The following KCNQ5 variants were observed in gnomAD, a reference collection of about 807,000 sequenced individuals.
KCNQ5 encodes the protein potassium voltage-gated channel subfamily KQT member 5.
In KCNQ5, 30 loss-of-function variants were observed where a neutral mutation model predicts 98.2. That is an observed-to-expected ratio of 0.31 (90% CI 0.23 to 0.41). The LOEUF (loss-of-function observed/expected upper bound fraction) is 0.41, where lower values mean the gene tolerates loss of function less well. KCNQ5 is among the 10% of genes least tolerant of loss of function. The pLI is 1.00. For synonymous variants in KCNQ5, 458 were observed against 449.4 expected, an observed-to-expected ratio of 1.02 and a Z score of -0.24; for missense variants, 835 against 1,182.5, an observed-to-expected ratio of 0.71 and a Z score of 4.31.
chr6:73,127,683 A>G (rs564681723), intron 9 of KCNQ5, among the ~76,000 whole-genome samples: 1 of 152,362 alleles, frequency 6.6e-6, no homozygotes, highest in Non-Finnish European at 1.5e-5. Flanking sequence ...CACTGAGGCT[A>G]GGGTATGTTT....
At chr6:72,804,942 C>G (rs1774874115) in intron 1 of KCNQ5, among the ~76,000 whole-genome samples, 1 of 151,994 alleles carries the variant, frequency 6.6e-6, no homozygotes, top group Non-Finnish European at 1.5e-5. Flanking sequence ...TTTCATATAC[C>G]TGTTTGCAAT....
chr6:73,122,493 C>G (rs1210599254), intron 8 of KCNQ5, among the ~76,000 whole-genome samples: 1 of 152,160 alleles, frequency 6.6e-6, no homozygotes, highest in Non-Finnish European at 1.5e-5. Context: ...ACCTGTGTTC[C>G]TCATGTCCTA....
At position 73,142,357 on chromosome 6, in the gene KCNQ5, A is replaced by G. The variant is rs181369747; in HGVS notation, c.1468+8716A>G. On this transcript the variant is annotated intron_variant, in intron 10 of 13. Transcript: ENST00000370398. ...GTCTTTTAAATTGCAGATTTCAACC[A>G]GTCCCTATTGTCTTTCCAGGAACCC... 3.8e-3 allele frequency among the ~76,000 whole-genome samples: 573 copies of G among 152,288 alleles called. 5 individuals carry two copies. Among genetic ancestry groups the G allele is most frequent in the African/African-American group, 0.013 (547 of 41,550 alleles).
intron 1 of KCNQ5, among the ~76,000 whole-genome samples, chr6:72,643,066 C>T (rs1310959597): frequency 3.3e-5 from 5 of 152,030 alleles, no homozygotes; most frequent in East Asian, 1.9e-4. Flanking sequence ...GATGAAAACA[C>T]GTGGATGCAA....
rs142876766 is a variant in KCNQ5 at position 72,659,136 on chromosome 6, C to G, written c.398+36549C>G. Among the ~76,000 whole-genome samples, 24 of 152,288 alleles carry G rather than the reference C, an allele frequency of 1.6e-4. 1 individual carries two copies. In the East Asian group the frequency reaches 4.6e-3, roughly 29 times the overall value. ...TTCCATCTCTCATTTGAGCCTTATT[C>G]TGCACAATATAATTTAATCAATAGT... On this transcript the variant is annotated intron_variant, in intron 1 of 13. Transcript: ENST00000370398.
At chr6:72,844,034 A>G (rs1380775053) in intron 1 of KCNQ5, among the ~76,000 whole-genome samples, 1 of 152,200 alleles carries the variant, frequency 6.6e-6, no homozygotes, top group Non-Finnish European at 1.5e-5. Context: ...GAAGGATAGC[A>G]TTAGGAGGAA....
At chr6:72,858,331 C>T (rs969878347) in intron 1 of KCNQ5, among the ~76,000 whole-genome samples, 4 of 152,006 alleles carry the variant, frequency 2.6e-5, no homozygotes, top group South Asian at 2.1e-4. Flanking sequence ...TTCAAAAGTT[C>T]GTTTGCATTT....
chr6:72,625,542 A>G (rs1464480034), intron 1 of KCNQ5, among the ~76,000 whole-genome samples: 1 of 152,250 alleles, frequency 6.6e-6, no homozygotes, highest in Non-Finnish European at 1.5e-5. Context: ...AGGGGGACAC[A>G]GGATGAGGCT....
At chr6:73,146,988 T>C (rs6930212) in intron 10 of KCNQ5, among the ~76,000 whole-genome samples, 33,511 of 152,184 alleles carry the variant, frequency 0.22, 8,841 homozygotes, top group African/African-American at 0.63. Flanking sequence ...AATAGTGCTA[T>C]GACTATAGTA....
At chr6:73,185,838 G>T (rs955823626) in intron 11 of KCNQ5, among the ~76,000 whole-genome samples, 3 of 152,188 alleles carry the variant, frequency 2.0e-5, no homozygotes, top group Admixed American at 2.0e-4. Context: ...CAAATGAGGG[G>T]ACAGCTTTGA....
intron 1 of KCNQ5, among the ~76,000 whole-genome samples, chr6:72,926,714 T>C (rs1765436824): frequency 6.6e-6 from 1 of 152,176 alleles, no homozygotes; most frequent in Non-Finnish European, 1.5e-5. Flanking sequence ...TTCTCAAAAA[T>C]TTATCATTTT....
intron 11 of KCNQ5, among the ~76,000 whole-genome samples, chr6:73,171,821 A>G (rs954047293): frequency 2.0e-5 from 3 of 152,196 alleles, no homozygotes; most frequent in Non-Finnish European, 4.4e-5. Flanking sequence ...CTGACTTGCA[A>G]CAAGTATGGA....
At chr6:73,187,099 G>A (rs1002852017) in intron 11 of KCNQ5, among the ~76,000 whole-genome samples, 28 of 145,798 alleles carry the variant, frequency 1.9e-4, no homozygotes, top group Non-Finnish European at 3.4e-4. Context: ...TTGCTCTGTC[G>A]CCCAGGCTGG....
intron 3 of KCNQ5, among the ~76,000 whole-genome samples, chr6:73,069,472 A>G (rs187173965): frequency 6.6e-6 from 1 of 152,280 alleles, no homozygotes; most frequent in Admixed American, 6.5e-5. Context: ...TATCTATCAA[A>G]TAAGTTTTGA....
chr6:73,059,892 G>A (rs1772702596), intron 3 of KCNQ5, among the ~76,000 whole-genome samples: 1 of 151,936 alleles, frequency 6.6e-6, no homozygotes, highest in African/African-American at 2.4e-5. Flanking sequence ...ATTCCTGAAG[G>A]ACCATTTTTT....
At chr6:73,044,049 G>T (rs1290184521) in intron 3 of KCNQ5, among the ~76,000 whole-genome samples, 1 of 152,230 alleles carries the variant, frequency 6.6e-6, no homozygotes, top group East Asian at 1.9e-4. Context: ...CCTTTGGAAG[G>T]CTGAGGAAGG....
intron 1 of KCNQ5, among the ~76,000 whole-genome samples, chr6:72,780,466 G>C (rs1485272374): frequency 3.9e-5 from 6 of 152,174 alleles, no homozygotes; most frequent in Non-Finnish European, 7.4e-5. Flanking sequence ...AAGCCTCAGG[G>C]GGCTGGCATC....
intron 10 of KCNQ5, among the ~76,000 whole-genome samples, chr6:73,154,879 A>G (rs1466604163): frequency 6.6e-6 from 1 of 151,938 alleles, no homozygotes; most frequent in East Asian, 1.9e-4. Flanking sequence ...CTAGTCACGA[A>G]TGATCACAAA....
intron 11 of KCNQ5, among the ~76,000 whole-genome samples, chr6:73,186,049 A>AC (rs929232583): frequency 1.4e-4 from 21 of 150,970 alleles, no homozygotes; most frequent in South Asian, 4.2e-4. Flanking sequence ...ACATAGGGAG[A>AC]CCCCCCCTAT....
Sources: allele counts gnomAD v4.1 joint callset (sites outside exome capture counted in the v4.1 genomes callset), GRCh38; gene constraint gnomAD v4.1.1; transcripts MANE v1.5; gene names NCBI Gene and HGNC (gene_info 2026-07-23, HGNC 2026-07-21).